MPP7: variants seen among roughly 807,000 people sequenced by gnomAD.
MPP7 encodes the protein MAGUK p55 subfamily member 7.
In MPP7, 60 loss-of-function variants were observed where a neutral mutation model predicts 76.5. The observed-to-expected ratio is 0.78, with a 90% CI of 0.64 to 0.97. The LOEUF is 0.97. Ranked by LOEUF, MPP7 falls within the 50% of genes least tolerant of loss-of-function variation. The probability of loss-of-function intolerance (pLI) is 0.00; values close to 1 mark genes in which losing one functional copy is unlikely to be tolerated. For synonymous variants in MPP7, 237 were observed against 244.5 expected, an observed-to-expected ratio of 0.97 and a Z score of 0.29; for missense variants, 641 against 694.0, an observed-to-expected ratio of 0.92 and a Z score of 0.86.
At chr10:28,167,810 A>G (rs1206935003) in intron 3 of MPP7, among the ~76,000 whole-genome samples, 1 of 152,190 alleles carries the variant, frequency 6.6e-6, no homozygotes, top group Non-Finnish European at 1.5e-5. Context: ...CCACCAGAAT[A>G]ACATAAAAGT....
At chr10:28,318,666 C>T (rs1171943321) in intron 2 of MPP7, among the ~76,000 whole-genome samples, 3 of 152,046 alleles carry the variant, frequency 2.0e-5, no homozygotes, top group African/African-American at 7.3e-5. Flanking sequence ...GCCTGGGTGA[C>T]AAGAGTGACA....
intron 1 of MPP7, among the ~76,000 whole-genome samples, chr10:28,289,648 C>T (rs887011511): frequency 2.0e-5 from 3 of 152,110 alleles, no homozygotes; most frequent in Middle Eastern, 3.2e-3. Context: ...CTGCGTGAAA[C>T]GGCAAGGTTC....
chr10:28,233,164 G>A (rs1253373998), intron 2 of MPP7, among the ~76,000 whole-genome samples: 1 of 152,116 alleles, frequency 6.6e-6, no homozygotes, highest in East Asian at 1.9e-4. Flanking sequence ...CACGTACACT[G>A]GGACTGAACA....
At chr10:28,253,017 C>T (rs758240557) in intron 1 of MPP7, among the ~76,000 whole-genome samples, 1 of 152,078 alleles carries the variant, frequency 6.6e-6, no homozygotes, top group Non-Finnish European at 1.5e-5. Flanking sequence ...AAGCGATTCT[C>T]CTTCCTCAGC....
At chr10:28,155,100 A>G (rs1291238138) in intron 3 of MPP7, among the ~76,000 whole-genome samples, 1 of 152,168 alleles carries the variant, frequency 6.6e-6, no homozygotes, top group African/African-American at 2.4e-5. Context: ...GTTTTGTAAC[A>G]AAAGATGGAA....
intron 13 of MPP7, among the ~76,000 whole-genome samples, chr10:28,060,275 T>C (rs1353126090): frequency 6.6e-6 from 1 of 152,192 alleles, no homozygotes; most frequent in Non-Finnish European, 1.5e-5. Context: ...ATAAATAGCA[T>C]CATCTTAGAA....
intron 12 of MPP7, among the ~76,000 whole-genome samples, chr10:28,082,427 C>T (rs1852807174): frequency 6.6e-6 from 1 of 151,478 alleles, no homozygotes; most frequent in South Asian, 2.1e-4. Context: ...CTCCTTCTCT[C>T]CTTCTCCTCC....
At chr10:28,073,848 C>T (rs7909626) in intron 12 of MPP7, among the ~76,000 whole-genome samples, 1 of 152,046 alleles carries the variant, frequency 6.6e-6, no homozygotes, top group African/African-American at 2.4e-5. Flanking sequence ...GCCTGCAACT[C>T]TCTCCTTTAC....
At chr10:28,271,999 T>TG (rs1840341744) in intron 1 of MPP7, among the ~76,000 whole-genome samples, 1 of 151,706 alleles carries the variant, frequency 6.6e-6, no homozygotes, top group Non-Finnish European at 1.5e-5. Flanking sequence ...AAAAAGATTC[T>TG]GGGGCACTTA....
At chr10:28,059,773 A>G (rs1588708671) in intron 13 of MPP7, 30 bp from the exon 14 acceptor site, 1 of 1,386,716 alleles carries the variant, frequency 7.2e-7, no homozygotes, top group Non-Finnish European at 1.0e-6. Flanking sequence ...AGTTTAGAAA[A>G]GCCCACATCA....
At chr10:28,131,519 C>A in intron 6 of MPP7, 41 bp downstream of exon 6, 1 of 1,501,086 alleles carries the variant, frequency 6.7e-7, no homozygotes, top group Non-Finnish European at 9.0e-7. Flanking sequence ...CAGATTTGGC[C>A]CTATCATGGT....
At chr10:28,262,188 T>A (rs1839975208) in intron 1 of MPP7, among the ~76,000 whole-genome samples, 4 of 892 alleles carry the variant, frequency 4.5e-3, no homozygotes, top group South Asian at 0.12. Context: ...AAATAAATTA[T>A]ATATATATAT....
At position 28,274,377 on chromosome 10, in the gene MPP7, G is replaced by A. The variant is rs140157412; in HGVS notation, c.-132+28484C>T. Among the ~76,000 whole-genome samples, 35 of 151,246 alleles carry A rather than the reference G, an allele frequency of 2.3e-4. 1 individual carries two copies. Among genetic ancestry groups the A allele is most frequent in the African/African-American group, 8.2e-4 (34 of 41,292 alleles). On this transcript the variant is annotated intron_variant, in intron 1 of 16. Transcript: ENST00000683449. ...GCCTCCCAAAGTGCTGGGATTACAG[G>A]CATAAGCCACCGCGCCCGGCCAAAA...
intron 1 of MPP7, among the ~76,000 whole-genome samples, chr10:28,269,418 C>A (rs898459027): frequency 6.6e-6 from 1 of 152,180 alleles, no homozygotes; most frequent in Admixed American, 6.5e-5. Context: ...TCAGCTATTA[C>A]CACAAAAGAA....
intron 13 of MPP7, among the ~76,000 whole-genome samples, chr10:28,068,655 CCAT>C (rs1852089430): frequency 6.6e-6 from 1 of 151,896 alleles, no homozygotes. Context: ...CATGAAAAGC[CCAT>C]TTAACATCAT....
At chr10:28,069,531 G>A (rs544378747) in intron 13 of MPP7, among the ~76,000 whole-genome samples, 1 of 151,532 alleles carries the variant, frequency 6.6e-6, no homozygotes, top group East Asian at 2.0e-4. Flanking sequence ...TTGAACCCAA[G>A]AGGCAGAGGT....
At chr10:28,275,258 G>A (rs759606289) in intron 1 of MPP7, among the ~76,000 whole-genome samples, 8 of 152,024 alleles carry the variant, frequency 5.3e-5, no homozygotes, top group Admixed American at 2.0e-4. Context: ...TCCCCAAGAC[G>A]TGCTCTTCTG....
At chr10:28,257,488 C>T (rs1223226953) in intron 1 of MPP7, among the ~76,000 whole-genome samples, 1 of 149,918 alleles carries the variant, frequency 6.7e-6, no homozygotes, top group African/African-American at 2.5e-5. Flanking sequence ...AGTAAACTAT[C>T]GCAAGAACAA....
At chr10:28,144,470 G>A (rs1404061767) in intron 5 of MPP7, among the ~76,000 whole-genome samples, 1 of 152,134 alleles carries the variant, frequency 6.6e-6, no homozygotes, top group Non-Finnish European at 1.5e-5. Context: ...TCAAAAGGTC[G>A]ACTCCCCAGC....
Sources: allele counts gnomAD v4.1 joint callset (sites outside exome capture counted in the v4.1 genomes callset), GRCh38; gene constraint gnomAD v4.1.1; transcripts MANE v1.5; gene names NCBI Gene and HGNC (gene_info 2026-07-23, HGNC 2026-07-21).